The following CADPS2 variants were observed in gnomAD, a reference collection of about 807,000 sequenced individuals.
CADPS2 encodes the protein calcium-dependent secretion activator 2.
CADPS2 carries 93 observed loss-of-function variants against 172.5 expected under a neutral mutation model. The ratio of observed to expected loss-of-function variants is 0.54; its 90% CI spans 0.46 to 0.64. The LOEUF is 0.64. Ranked by LOEUF, CADPS2 falls within the 30% of genes least tolerant of loss-of-function variation. CADPS2 has a pLI of 0.00. For synonymous variants in CADPS2, 546 were observed against 555.2 expected, an observed-to-expected ratio of 0.98 and a Z score of 0.23; for missense variants, 1,420 against 1,565.9, an observed-to-expected ratio of 0.91 and a Z score of 1.57.
At chr7:122,406,422 A>G (rs1363087844) in intron 20 of CADPS2, among the ~76,000 whole-genome samples, 2 of 152,340 alleles carry the variant, frequency 1.3e-5, no homozygotes, top group Non-Finnish European at 2.9e-5. Flanking sequence ...ATGTATTAAC[A>G]GTGTGAAGAA....
chr7:122,350,878 T>C (rs1735699046), intron 27 of CADPS2, among the ~76,000 whole-genome samples: 1 of 151,818 alleles, frequency 6.6e-6, no homozygotes, highest in Non-Finnish European at 1.5e-5. Flanking sequence ...CCCAGCTGCT[T>C]AGGAGTCTGA....
At chr7:122,391,164 G>C (rs2044319852) in intron 22 of CADPS2, among the ~76,000 whole-genome samples, 1 of 151,972 alleles carries the variant, frequency 6.6e-6, no homozygotes, top group Non-Finnish European at 1.5e-5. Flanking sequence ...AACATTATGA[G>C]TAATTCTGGA....
At chr7:122,789,585 C>T (rs1589217542) in intron 1 of CADPS2, among the ~76,000 whole-genome samples, 1 of 152,222 alleles carries the variant, frequency 6.6e-6, no homozygotes, top group Non-Finnish European at 1.5e-5. Flanking sequence ...CCCCCTACCA[C>T]ACACACTAAC....
chr7:122,457,333 G>A (rs1368712890), intron 14 of CADPS2, among the ~76,000 whole-genome samples: 1 of 152,138 alleles, frequency 6.6e-6, no homozygotes, highest in Non-Finnish European at 1.5e-5. Context: ...ACATTTTATA[G>A]ATCCCTTTTC....
chr7:122,490,475 C>T (rs2058183360), intron 10 of CADPS2, among the ~76,000 whole-genome samples, 194 bp from the exon 11 acceptor site: 1 of 152,054 alleles, frequency 6.6e-6, no homozygotes, highest in Non-Finnish European at 1.5e-5. Context: ...GTTAAGCTCC[C>T]ATATTACCTC....
chr7:122,464,178 T>C (rs943038601), intron 14 of CADPS2, among the ~76,000 whole-genome samples: 3 of 152,200 alleles, frequency 2.0e-5, no homozygotes, highest in Non-Finnish European at 4.4e-5. Context: ...TTGCAGCATG[T>C]CAGATTGCCA....
At chr7:122,840,562 A>G (rs1164670591) in intron 1 of CADPS2, among the ~76,000 whole-genome samples, 2 of 151,934 alleles carry the variant, frequency 1.3e-5, no homozygotes, top group South Asian at 4.1e-4. Context: ...GCAAAAAAAA[A>G]AAAAAAGAAA....
At position 122,366,640 on chromosome 7, in the gene CADPS2, CACACACAT is replaced by C. The variant is rs1440730494; in HGVS notation, c.3388-5635_3388-5628del. ...ACACACACACACACACACACACACA[CACACACAT>C]ATATATACATACACACATACATATA... On this transcript the variant is annotated intron_variant, in intron 25 of 29. Transcript: ENST00000449022. 32 of 139,422 alleles carry C rather than the reference CACACACAT, an allele frequency of 2.3e-4. 1 individual carries two copies. The highest frequency in any genetic ancestry group is 6.9e-4 in the African/African-American group (25 of 36,056). The allele number at this position is 139,422 out of a possible 1,614,324, so 8.6% of individuals were successfully genotyped here. A position where few individuals can be genotyped will look rare whatever the true frequency, so the allele number is the denominator to read the frequency against.
At chr7:122,408,370 G>C (rs1175944499) in intron 19 of CADPS2, among the ~76,000 whole-genome samples, 1 of 152,074 alleles carries the variant, frequency 6.6e-6, no homozygotes, top group Non-Finnish European at 1.5e-5. Context: ...ATTGCAAATT[G>C]CTCTTTATGA....
At chr7:122,820,136 C>G (rs1379381601) in intron 1 of CADPS2, among the ~76,000 whole-genome samples, 1 of 152,150 alleles carries the variant, frequency 6.6e-6, no homozygotes, top group Non-Finnish European at 1.5e-5. Flanking sequence ...TCCTCAATAC[C>G]TGCCTCTACA....
At chr7:122,729,423 A>G (rs1417466890) in intron 2 of CADPS2, among the ~76,000 whole-genome samples, 1 of 151,630 alleles carries the variant, frequency 6.6e-6, no homozygotes, top group East Asian at 1.9e-4. Flanking sequence ...TTCTATTTTT[A>G]ATTTTTTAAG....
chr7:122,589,303 G>C (rs538007384), intron 6 of CADPS2, among the ~76,000 whole-genome samples: 3 of 151,784 alleles, frequency 2.0e-5, no homozygotes, highest in Non-Finnish European at 4.4e-5. Flanking sequence ...TTTAACAAGA[G>C]AGAAATACAA....
At chr7:122,331,678 T>C (rs1346351866) in intron 28 of CADPS2, among the ~76,000 whole-genome samples, 1 of 152,152 alleles carries the variant, frequency 6.6e-6, no homozygotes, top group Non-Finnish European at 1.5e-5. Context: ...AAATAATTCA[T>C]TTAATGCTTA....
At chr7:122,527,465 TGAG>T (rs535518680) in intron 8 of CADPS2, among the ~76,000 whole-genome samples, 2 of 151,192 alleles carry the variant, frequency 1.3e-5, no homozygotes, top group East Asian at 3.9e-4. Flanking sequence ...TTGGAATCTC[TGAG>T]GAGACCAAGT....
chr7:122,808,214 G>C (rs1033442463), intron 1 of CADPS2, among the ~76,000 whole-genome samples: 1 of 151,194 alleles, frequency 6.6e-6, no homozygotes, highest in Non-Finnish European at 1.5e-5. Context: ...GGAAATATGG[G>C]CTTTCTGATA....
intron 25 of CADPS2, among the ~76,000 whole-genome samples, chr7:122,372,659 C>T (rs188030365): frequency 7.0e-4 from 106 of 152,208 alleles, no homozygotes; most frequent in African/African-American, 8.9e-4. Context: ...ATCTGGGATA[C>T]GAGAAATTCA....
At chr7:122,583,079 C>A (rs7809992) in intron 6 of CADPS2, among the ~76,000 whole-genome samples, 1 of 150,768 alleles carries the variant, frequency 6.6e-6, no homozygotes, top group East Asian at 1.9e-4. Flanking sequence ...ACAATGAATG[C>A]GGAGGAAAAA....
At chr7:122,641,545 G>C (rs1322581919) in intron 3 of CADPS2, among the ~76,000 whole-genome samples, 2 of 152,110 alleles carry the variant, frequency 1.3e-5, no homozygotes, top group Non-Finnish European at 2.9e-5. Context: ...TAATTGAAAA[G>C]AGATAAAGAA....
rs955313759 is a variant in CADPS2 at position 122,318,570 on chromosome 7, G to A, written c.*1595C>T. The A allele has an allele frequency of 2.6e-5, 4 of 152,254 alleles. No homozygotes were observed. The highest frequency in any genetic ancestry group is 4.4e-5 in the Non-Finnish European group (3 of 68,094). 9.4% of individuals were successfully genotyped at this position (152,254 alleles called of 1,614,324 possible). ...ATGACTGGACATTTGAGGGTTTGGA[G>A]AAAATAGTATTTGGTGTGTGAATAG... On this transcript the variant is annotated 3_prime_UTR_variant, in exon 30 of 30. Transcript: ENST00000449022.
Sources: gnomAD v4.1 joint callset for allele counts (sites outside exome capture counted in the v4.1 genomes callset) on GRCh38, gnomAD v4.1.1 for gene constraint, MANE v1.5 for transcripts, NCBI Gene and HGNC (gene_info 2026-07-23, HGNC 2026-07-21) for gene names.